Variants in CSMD1 observed in about 807,000 individuals in gnomAD.
The protein encoded by CSMD1 is CUB and Sushi multiple domains 1.
In CSMD1, 213 loss-of-function variants were observed where a neutral mutation model predicts 417.5. The observed-to-expected ratio is 0.51, with a 90% confidence interval of 0.46 to 0.57. The LOEUF is 0.57. CSMD1 is among the 20% of genes least tolerant of loss of function. CSMD1 has a pLI of 0.00. For missense variants in CSMD1, 6,923 were observed against 4,529.7 expected, an observed-to-expected ratio of 1.53 and a Z score of -15.17; for synonymous variants, 2,862 against 1,736.8, an observed-to-expected ratio of 1.65 and a Z score of -16.11.
chr8:4,673,059 G>A (rs1805429942), intron 1 of CSMD1, among the ~76,000 whole-genome samples: 1 of 150,624 alleles, frequency 6.6e-6, no homozygotes, highest in Non-Finnish European at 1.5e-5. Context: ...CAAACATGCT[G>A]ACATGGCACA....
At chr8:4,234,822 A>G (rs879630129) in intron 3 of CSMD1, among the ~76,000 whole-genome samples, 64 of 152,142 alleles carry the variant, frequency 4.2e-4, no homozygotes, top group Admixed American at 1.2e-3. Context: ...TGGAGAGATA[A>G]GAACAGTCTC....
intron 3 of CSMD1, among the ~76,000 whole-genome samples, chr8:4,261,342 G>A (rs1025138404): frequency 2.0e-5 from 3 of 152,118 alleles, no homozygotes; most frequent in Admixed American, 2.0e-4. Flanking sequence ...TCACTTAGAT[G>A]TGGAATCTAA....
intron 26 of CSMD1, among the ~76,000 whole-genome samples, chr8:3,272,834 G>T (rs1476377625): frequency 1.3e-5 from 2 of 150,698 alleles, no homozygotes; most frequent in South Asian, 4.2e-4. Flanking sequence ...ATTTTGGGCT[G>T]AGACAGTGGG....
intron 3 of CSMD1, among the ~76,000 whole-genome samples, chr8:4,139,729 A>C (rs1246491668): frequency 6.6e-6 from 1 of 151,170 alleles, no homozygotes; most frequent in Non-Finnish European, 1.5e-5. Context: ...GTGATGCTTG[A>C]GTAGATGAGT....
intron 8 of CSMD1, among the ~76,000 whole-genome samples, chr8:3,606,457 G>C (rs1801618766): frequency 6.6e-6 from 1 of 151,998 alleles, no homozygotes; most frequent in South Asian, 2.1e-4. Flanking sequence ...TAGAAAAGGA[G>C]CAGAAAAGAT....
chr8:3,576,479 G>A (rs1023280273), intron 9 of CSMD1, among the ~76,000 whole-genome samples: 2 of 152,100 alleles, frequency 1.3e-5, no homozygotes, highest in African/African-American at 4.8e-5. Flanking sequence ...ATGTGAAAAT[G>A]GGACAACATA....
At chr8:4,888,863 G>C (rs1803923647) in intron 1 of CSMD1, among the ~76,000 whole-genome samples, 1 of 152,018 alleles carries the variant, frequency 6.6e-6, no homozygotes, top group Non-Finnish European at 1.5e-5. Flanking sequence ...AACAAAGAGA[G>C]TGAAATAATA....
intron 23 of CSMD1, among the ~76,000 whole-genome samples, chr8:3,334,501 A>T (rs1807116272): frequency 6.6e-6 from 1 of 152,192 alleles, no homozygotes; most frequent in Non-Finnish European, 1.5e-5. Context: ...AGTATATTTA[A>T]TGTTGATGTC....
intron 46 of CSMD1, among the ~76,000 whole-genome samples, chr8:3,100,072 G>T (rs914400784): frequency 6.9e-6 from 1 of 145,676 alleles, no homozygotes; most frequent in African/African-American, 2.5e-5. Context: ...TTTGAGATAG[G>T]GTCTCACTCT....
At chr8:4,165,058 G>A (rs947693704) in intron 3 of CSMD1, among the ~76,000 whole-genome samples, 2 of 152,132 alleles carry the variant, frequency 1.3e-5, no homozygotes. Context: ...AGGCTGTGTA[G>A]ACAGTGAAGT....
chr8:3,485,759 CAAAAAAATAA>C (rs1817992724), intron 11 of CSMD1, among the ~76,000 whole-genome samples: 1 of 101,094 alleles, frequency 9.9e-6, no homozygotes, highest in Admixed American at 1.1e-4. Context: ...GACTCAGCCT[CAAAAAAATAA>C]AATAAAATAA....
intron 41 of CSMD1, among the ~76,000 whole-genome samples, chr8:3,130,862 C>T (rs1817757342): frequency 6.6e-6 from 1 of 152,162 alleles, no homozygotes. Flanking sequence ...AAATCAATGC[C>T]CTAAACATAT....
chr8:4,112,115 A>C (rs1801887832), intron 3 of CSMD1, among the ~76,000 whole-genome samples: 1 of 152,188 alleles, frequency 6.6e-6, no homozygotes, highest in Non-Finnish European at 1.5e-5. Flanking sequence ...ATTAGCCCAC[A>C]AGATCAGGGG....
intron 5 of CSMD1, among the ~76,000 whole-genome samples, chr8:3,955,936 G>C (rs1208199503): frequency 1.3e-5 from 2 of 152,146 alleles, no homozygotes. Context: ...TGGGATTACA[G>C]GCGCCCAACA....
At chr8:4,384,463 C>T (rs1471152059) in intron 3 of CSMD1, among the ~76,000 whole-genome samples, 2 of 152,074 alleles carry the variant, frequency 1.3e-5, no homozygotes, top group Non-Finnish European at 2.9e-5. Flanking sequence ...TCAAATAAAG[C>T]TTCTTCTATC....
intron 56 of CSMD1, 123 bp from the exon 57 acceptor site, chr8:2,973,422 C>T: frequency 1.1e-6 from 1 of 891,080 alleles, no homozygotes; most frequent in South Asian, 1.8e-5. Context: ...TATGGTTACA[C>T]AACATTCTGC....
intron 2 of CSMD1, among the ~76,000 whole-genome samples, chr8:4,552,898 A>G (rs1035296150): frequency 6.6e-6 from 1 of 152,272 alleles, no homozygotes; most frequent in African/African-American, 2.4e-5. Flanking sequence ...TTCCCTAGGA[A>G]CAGGTGAGAT....
At chr8:3,470,390 T>G (rs1416868886) in intron 11 of CSMD1, among the ~76,000 whole-genome samples, 3 of 152,202 alleles carry the variant, frequency 2.0e-5, no homozygotes, top group Non-Finnish European at 4.4e-5. Context: ...TGGTAGGTAG[T>G]ACAAAATAAT....
intron 3 of CSMD1, among the ~76,000 whole-genome samples, chr8:4,101,945 C>G (rs1428953598): frequency 6.6e-6 from 1 of 152,122 alleles, no homozygotes; most frequent in Non-Finnish European, 1.5e-5. Context: ...GTTAGAGCTT[C>G]TAATAGAGAA....
Sources: allele counts gnomAD v4.1 joint callset (sites outside exome capture counted in the v4.1 genomes callset), GRCh38; gene constraint gnomAD v4.1.1; transcripts MANE v1.5; gene names NCBI Gene and HGNC (gene_info 2026-07-23, HGNC 2026-07-21).